KGD4: variants seen among roughly 807,000 people sequenced by gnomAD.
KGD4 encodes alpha-ketoglutarate dehydrogenase component 4.
the KGD4 span, chr5:69,228,161 C>G: frequency 6.8e-7 from 1 of 1,478,524 alleles, no homozygotes; most frequent in Non-Finnish European, 9.0e-7. Flanking sequence ...GACATCTGAA[C>G]AATTTCTCTA....
the KGD4 span, among the ~76,000 whole-genome samples, chr5:69,221,912 A>T: frequency 4.3e-5 from 4 of 93,268 alleles, no homozygotes; most frequent in Non-Finnish European, 8.7e-5. Context: ...CATGCCTGTA[A>T]TCCCAGCACT....
the KGD4 span, chr5:69,226,510 T>C: frequency 1.3e-6 from 1 of 786,196 alleles, no homozygotes; most frequent in East Asian, 2.7e-5. Context: ...TTAAGACTAT[T>C]GTAGCTTAGA....
the KGD4 span, among the ~76,000 whole-genome samples, chr5:69,222,029 A>G: frequency 3.5e-5 from 2 of 57,510 alleles, no homozygotes; most frequent in East Asian, 4.0e-4. Context: ...ATAAGTATAT[A>G]ATACATATTT....
At chr5:69,228,771 T>C in the KGD4 span, among the ~76,000 whole-genome samples, 1 of 151,854 alleles carries the variant, frequency 6.6e-6, no homozygotes, top group Non-Finnish European at 1.5e-5. Context: ...TCCCAGCACT[T>C]TGGGAGGCCA....
At chr5:69,224,376 G>A in the KGD4 span, among the ~76,000 whole-genome samples, 1 of 24,660 alleles carries the variant, frequency 4.1e-5, no homozygotes, top group Non-Finnish European at 6.8e-5. Flanking sequence ...GGGTGACAGA[G>A]GAGACTCCAT....
chr5:69,224,600 A>AGG, the KGD4 span, among the ~76,000 whole-genome samples: 1 of 152,022 alleles, frequency 6.6e-6, no homozygotes, highest in Non-Finnish European at 1.5e-5. Context: ...AACACTCAAA[A>AGG]CAAGTCAGGA....
the KGD4 span, chr5:69,228,490 G>T: frequency 8.3e-7 from 1 of 1,197,956 alleles, no homozygotes; most frequent in Non-Finnish European, 1.2e-6. Context: ...TGTCTTGTCA[G>T]AGTGTGGTCA....
chr5:69,225,892 T>G, the KGD4 span, among the ~76,000 whole-genome samples: 1 of 152,158 alleles, frequency 6.6e-6, no homozygotes, highest in Non-Finnish European at 1.5e-5. Context: ...TTTTTCTTTT[T>G]GTTTTTGTTT....
the KGD4 span, among the ~76,000 whole-genome samples, chr5:69,226,713 G>T: frequency 1.3e-5 from 2 of 152,148 alleles, no homozygotes; most frequent in Non-Finnish European, 1.5e-5. Context: ...GCCAGGCGTG[G>T]TGGCGGGCTC....
the KGD4 span, among the ~76,000 whole-genome samples, chr5:69,220,329 G>A: frequency 8.0e-4 from 122 of 152,250 alleles, no homozygotes; most frequent in South Asian, 0.023. Flanking sequence ...AAACTGATAG[G>A]AAGTCACAAA....
the KGD4 span, chr5:69,228,366 A>G: frequency 6.2e-7 from 1 of 1,601,160 alleles, no homozygotes; most frequent in Non-Finnish European, 8.5e-7. Flanking sequence ...TTGTGTCTCA[A>G]GAAGAAATGG....
At chr5:69,226,451 T>G in the KGD4 span, 1 of 1,228,846 alleles carries the variant, frequency 8.1e-7, no homozygotes, top group Non-Finnish European at 1.2e-6. Context: ...ACATGAATAT[T>G]TATAAATGAG....
At chr5:69,228,295 C>A in the KGD4 span, 1 of 1,609,170 alleles carries the variant, frequency 6.2e-7, no homozygotes, top group Non-Finnish European at 8.5e-7. Flanking sequence ...GCTGATGTAT[C>A]AGGGTCCACC....
At chr5:69,219,709 G>C in the KGD4 span, among the ~76,000 whole-genome samples, 1 of 152,010 alleles carries the variant, frequency 6.6e-6, no homozygotes, top group East Asian at 1.9e-4. Flanking sequence ...GAAAAAAAGA[G>C]AGAATACAAC....
At chr5:69,224,031 TA>T in the KGD4 span, among the ~76,000 whole-genome samples, 31,922 of 114,882 alleles carry the variant, frequency 0.28, 3,763 homozygotes, top group African/African-American at 0.36. Flanking sequence ...AGACTCTGTC[TA>T]AAAAAAAAAA....
At chr5:69,228,885 G>A in the KGD4 span, among the ~76,000 whole-genome samples, 8 of 151,684 alleles carry the variant, frequency 5.3e-5, no homozygotes, top group Admixed American at 1.3e-4. Flanking sequence ...TGTGGTGGTG[G>A]GTACCTGTAA....
chr5:69,218,887 G>A, the KGD4 span, among the ~76,000 whole-genome samples: 2 of 152,212 alleles, frequency 1.3e-5, no homozygotes, highest in Non-Finnish European at 2.9e-5. Context: ...GGTAGTTACT[G>A]AGCATCAACT....
At chr5:69,228,435 T>C in the KGD4 span, 1 of 1,523,424 alleles carries the variant, frequency 6.6e-7, no homozygotes, top group East Asian at 2.3e-5. Flanking sequence ...ACCATAACAT[T>C]TGGGCTTTGG....
Sources: gnomAD v4.1 joint callset for allele counts (sites outside exome capture counted in the v4.1 genomes callset) on GRCh38, gnomAD v4.1.1 for gene constraint, MANE v1.5 for transcripts, NCBI Gene and HGNC (gene_info 2026-07-23, HGNC 2026-07-21) for gene names.